The following RALYL variants were observed in gnomAD, a reference collection of about 807,000 sequenced individuals.
RALYL encodes RALY RNA binding protein like.
Under a neutral mutation model 35.1 loss-of-function variants are expected in RALYL, and 29 were observed. That is an observed-to-expected ratio of 0.83 (90% confidence interval 0.61 to 1.13). The LOEUF (loss-of-function observed/expected upper bound fraction) is 1.13, where lower values mean the gene tolerates loss of function less well. RALYL is among the 50% of genes most tolerant of loss of function. The probability of loss-of-function intolerance (pLI) is 0.00; values close to 1 mark genes in which losing one functional copy is unlikely to be tolerated. For missense variants in RALYL, 359 were observed against 360.4 expected, an observed-to-expected ratio of 1.00 and a Z score of 0.03; for synonymous variants, 120 against 127.6, an observed-to-expected ratio of 0.94 and a Z score of 0.40.
At position 84,679,641 on chromosome 8, in the gene RALYL, G is replaced by A. The variant is rs922436637; in HGVS notation, c.257-94938G>A. 5.1e-5 allele frequency: 25 copies of A among 486,426 alleles called. 1 individual carries two copies. The highest frequency in any genetic ancestry group is 3.0e-4 in the South Asian group (19 of 63,628). The allele number at this position is 486,426 out of a possible 1,614,324, so 30.1% of individuals were successfully genotyped here. On this transcript the variant is annotated intron_variant, in intron 2 of 8. Transcript: ENST00000521268. ...ATTGGAAGAGCTCAGTTTGATGATG[G>A]TGCTGGAGGTGACAATGAAGTACAG...
chr8:84,875,485 C>G (rs1033152007), intron 7 of RALYL, among the ~76,000 whole-genome samples: 1 of 151,938 alleles, frequency 6.6e-6, no homozygotes, highest in Non-Finnish European at 1.5e-5. Context: ...TGAGATGTCA[C>G]TTACTTTTGA....
At chr8:84,821,145 A>G (rs149836145) in intron 4 of RALYL, among the ~76,000 whole-genome samples, 28 of 152,324 alleles carry the variant, frequency 1.8e-4, no homozygotes, top group African/African-American at 6.5e-4. Flanking sequence ...CAATTAAATA[A>G]TACTTGATTA....
rs76755575 is a variant in RALYL at position 84,228,763 on chromosome 8, G to A, written c.-24+44339G>A. 9.0e-3 allele frequency among the ~76,000 whole-genome samples: 1,373 copies of A among 152,226 alleles called. 18 individuals are homozygous for A. The highest frequency in any genetic ancestry group is 0.031 in the African/African-American group (1,302 of 41,518). On this transcript the variant is annotated intron_variant, in intron 1 of 8. Transcript: ENST00000521268. ...GCTTGGGAGGCCTCAGGACACCTACGGTCATGGCAGAAGGCACCTATTCAC... is the reference window on the plus strand; with the variant it reads ...GCTTGGGAGGCCTCAGGACACCTACAGTCATGGCAGAAGGCACCTATTCAC...
intron 1 of RALYL, among the ~76,000 whole-genome samples, chr8:84,393,825 T>C (rs1586820853): frequency 6.6e-6 from 1 of 152,118 alleles, no homozygotes; most frequent in South Asian, 2.1e-4. Flanking sequence ...CCTCATAAAG[T>C]GTGAAAATTA....
At chr8:84,489,418 C>T (rs1459912290) in intron 1 of RALYL, among the ~76,000 whole-genome samples, 1 of 151,836 alleles carries the variant, frequency 6.6e-6, no homozygotes, top group Non-Finnish European at 1.5e-5. Context: ...CTTTGAATAC[C>T]GTATATGAAA....
At chr8:84,341,158 A>ATT (rs11291365) in intron 1 of RALYL, among the ~76,000 whole-genome samples, 4,381 of 127,774 alleles carry the variant, frequency 0.034, 108 homozygotes, top group South Asian at 0.072. Context: ...TAACCAGGTG[A>ATT]TTTTTTTTTT....
chr8:84,248,270 A>G (rs2131637464), intron 1 of RALYL, among the ~76,000 whole-genome samples: 1 of 152,246 alleles, frequency 6.6e-6, no homozygotes, highest in East Asian at 1.9e-4. Flanking sequence ...TACAGCCTGA[A>G]CAACATTTCA....
chr8:84,721,998 C>T (rs938119054), intron 2 of RALYL, among the ~76,000 whole-genome samples: 2 of 152,078 alleles, frequency 1.3e-5, no homozygotes, highest in African/African-American at 4.8e-5. Context: ...AAAGCTCTCT[C>T]AAGGGCTTTC....
At chr8:84,823,700 CTTCTT>C (rs758976225) in intron 4 of RALYL, among the ~76,000 whole-genome samples, 5 of 152,052 alleles carry the variant, frequency 3.3e-5, no homozygotes, top group Middle Eastern at 3.4e-3. Context: ...TCTCACTCTC[CTTCTT>C]TTCTTCTCTC....
intron 2 of RALYL, among the ~76,000 whole-genome samples, chr8:84,716,392 T>C (rs2132553240): frequency 6.6e-6 from 1 of 152,176 alleles, no homozygotes; most frequent in East Asian, 1.9e-4. Context: ...TACATAAAAA[T>C]AAACTTAGAC....
intron 1 of RALYL, among the ~76,000 whole-genome samples, chr8:84,296,332 G>T (rs976191318): frequency 6.6e-6 from 1 of 152,058 alleles, no homozygotes; most frequent in Admixed American, 6.6e-5. Context: ...GAAAGACTTA[G>T]ATCAGAGAAT....
chr8:84,457,723 A>G (rs1308763376), intron 1 of RALYL, among the ~76,000 whole-genome samples: 1 of 151,810 alleles, frequency 6.6e-6, no homozygotes, highest in African/African-American at 2.4e-5. Flanking sequence ...CATTATTTGC[A>G]CGTCTTTCTC....
chr8:84,810,917 A>T (rs762687170), intron 4 of RALYL, among the ~76,000 whole-genome samples: 5 of 152,064 alleles, frequency 3.3e-5, no homozygotes, highest in Non-Finnish European at 5.9e-5. Flanking sequence ...GGCAGCAGAG[A>T]GTTGATTGGT....
chr8:84,342,794 G>A (rs757163163), intron 1 of RALYL, among the ~76,000 whole-genome samples: 9 of 151,996 alleles, frequency 5.9e-5, no homozygotes, highest in Non-Finnish European at 1.3e-4. Flanking sequence ...AATGGTCTGG[G>A]TGGGAAAATC....
intron 2 of RALYL, among the ~76,000 whole-genome samples, chr8:84,691,703 G>A (rs1217414911): frequency 6.6e-6 from 1 of 151,936 alleles, no homozygotes; most frequent in Non-Finnish European, 1.5e-5. Context: ...AGCAATAGAA[G>A]AGAGTGAGTC....
chr8:84,305,355 C>G (rs1373520189), intron 1 of RALYL, among the ~76,000 whole-genome samples: 3 of 152,112 alleles, frequency 2.0e-5, no homozygotes, highest in Non-Finnish European at 4.4e-5. Flanking sequence ...GATATTTATT[C>G]AGCAACAGCT....
At chr8:84,287,317 AGGTTATTAGGAAGAT>A (rs1563671604) in intron 1 of RALYL, among the ~76,000 whole-genome samples, 3 of 142,612 alleles carry the variant, frequency 2.1e-5, no homozygotes, top group African/African-American at 7.6e-5. Context: ...CTACTGGGCT[AGGTTATTAGGAAGAT>A]CATTGAAATC....
chr8:84,411,679 C>A (rs1217570811), intron 1 of RALYL, among the ~76,000 whole-genome samples: 1 of 151,868 alleles, frequency 6.6e-6, no homozygotes, highest in Non-Finnish European at 1.5e-5. Flanking sequence ...CTATCTTTTC[C>A]CCTAGTGAAT....
chr8:84,595,138 A>T (rs980915561), intron 2 of RALYL, among the ~76,000 whole-genome samples: 4 of 152,152 alleles, frequency 2.6e-5, no homozygotes, highest in African/African-American at 9.7e-5. Context: ...GCTGGTAACT[A>T]AAAAGGTGGG....
Sources: allele counts gnomAD v4.1 joint callset (sites outside exome capture counted in the v4.1 genomes callset), GRCh38; gene constraint gnomAD v4.1.1; transcripts MANE v1.5; gene names NCBI Gene and HGNC (gene_info 2026-07-23, HGNC 2026-07-21).